NRG1: variants seen among roughly 807,000 people sequenced by gnomAD.
The protein encoded by NRG1 is pro-neuregulin-1, membrane-bound isoform.
A neutral mutation model predicts 63.8 loss-of-function variants in NRG1; 18 were observed. That is an observed-to-expected ratio of 0.28 (90% CI 0.19 to 0.42). The LOEUF (loss-of-function observed/expected upper bound fraction) is 0.42. NRG1 is among the 10% of genes least tolerant of loss of function. The pLI, the probability that NRG1 is intolerant of heterozygous loss-of-function variation, is 1.00. For missense variants in NRG1, 762 were observed against 814.7 expected, an observed-to-expected ratio of 0.94 and a Z score of 0.79; for synonymous variants, 302 against 301.3, an observed-to-expected ratio of 1.00 and a Z score of -0.02.
chr8:32,430,101 T>C (rs1327563368), intron 1 of NRG1, among the ~76,000 whole-genome samples: 1 of 152,112 alleles, frequency 6.6e-6, no homozygotes, highest in Non-Finnish European at 1.5e-5. Flanking sequence ...ATAAAGTGTG[T>C]TTCCAGCCTT....
chr8:31,906,295 G>A (rs13255747), intron 1 of NRG1, among the ~76,000 whole-genome samples: 29,616 of 152,138 alleles, frequency 0.19, 3,352 homozygotes, highest in Non-Finnish European at 0.24. Context: ...CTCAGAGCAT[G>A]TGACACAAAT....
chr8:31,660,431 T>C (rs776561160), intron 1 of NRG1, among the ~76,000 whole-genome samples: 9 of 152,228 alleles, frequency 5.9e-5, no homozygotes, highest in Non-Finnish European at 1.2e-4. Flanking sequence ...GTATATAGAA[T>C]TGTTTCATTT....
chr8:32,030,961 A>G (rs1188505466), intron 1 of NRG1, among the ~76,000 whole-genome samples: 1 of 152,096 alleles, frequency 6.6e-6, no homozygotes, highest in Admixed American at 6.5e-5. Context: ...CCCCAGGTCA[A>G]CTCATCTGGT....
At chr8:32,492,684 T>A (rs1248505284) in intron 1 of NRG1, among the ~76,000 whole-genome samples, 1 of 152,212 alleles carries the variant, frequency 6.6e-6, no homozygotes, top group Non-Finnish European at 1.5e-5. Flanking sequence ...AATCTTGTTT[T>A]CCGTCCCTGT....
chr8:32,771,103 A>AGGTTTT (rs1332145798), downstream of NRG1, among the ~76,000 whole-genome samples: 5 of 151,908 alleles, frequency 3.3e-5, no homozygotes, highest in East Asian at 7.7e-4. Flanking sequence ...TAAGTTCTTT[A>AGGTTTT]GGTTTTGGTT....
chr8:32,303,183 C>CAA lies in NRG1; in HGVS notation c.38-292645_38-292644insAA, dbSNP rs1563291349. Among the ~76,000 whole-genome samples, 231 of 59,422 alleles carry CAA rather than the reference C, an allele frequency of 3.9e-3. 20 individuals carry two copies. Among genetic ancestry groups the CAA allele is most frequent in the South Asian group, 7.6e-3 (8 of 1,048 alleles). The allele number at this position is 59,422 out of a possible 152,430, so 39.0% of individuals were successfully genotyped here. A position where few individuals can be genotyped will look rare whatever the true frequency, so the allele number is the denominator to read the frequency against. On this transcript the variant is annotated intron_variant, in intron 1 of 10. Transcript: ENST00000519301. ...GGCAGAAAGAAGAGAAACTCAGTCT[C>CAA]CAAAAAAAAAAAAAAAAAAAAAAAG... is the stretch of plus-strand genomic sequence containing the variant.
intron 1 of NRG1, among the ~76,000 whole-genome samples, chr8:31,662,283 A>G (rs1164018360): frequency 1.3e-5 from 2 of 152,210 alleles, no homozygotes; most frequent in Non-Finnish European, 2.9e-5. Context: ...TACATTTTAC[A>G]TTAAGAAAAA....
At chr8:31,814,635 T>G (rs1039812519) in intron 1 of NRG1, among the ~76,000 whole-genome samples, 6 of 148,392 alleles carry the variant, frequency 4.0e-5, no homozygotes, top group Non-Finnish European at 9.0e-5. Flanking sequence ...TAATAATTAA[T>G]AAATATTAAA....
At chr8:31,684,159 T>C (rs1436306543) in intron 1 of NRG1, among the ~76,000 whole-genome samples, 2 of 152,148 alleles carry the variant, frequency 1.3e-5, no homozygotes, top group Non-Finnish European at 2.9e-5. Flanking sequence ...CCCAGACCTA[T>C]TGAATCAGAA....
intron 1 of NRG1, among the ~76,000 whole-genome samples, chr8:31,818,135 A>G (rs1586621652): frequency 6.6e-6 from 1 of 152,222 alleles, no homozygotes; most frequent in East Asian, 1.9e-4. Flanking sequence ...TCAAAAGATA[A>G]GGATGCATAA....
intron 7 of NRG1, among the ~76,000 whole-genome samples, chr8:32,745,591 G>A (rs764885941): frequency 1.3e-5 from 2 of 152,026 alleles, no homozygotes; most frequent in Non-Finnish European, 2.9e-5. Context: ...TATTGTCAAG[G>A]TTAGTCAGCT....
chr8:32,003,932 T>A (rs960923998), intron 1 of NRG1, among the ~76,000 whole-genome samples: 5 of 151,850 alleles, frequency 3.3e-5, no homozygotes, highest in Non-Finnish European at 5.9e-5. Flanking sequence ...TTTATTAAAA[T>A]ATAAAATATT....
At chr8:32,748,339 G>GCGCGCACACACACACA (rs1207515428) in intron 7 of NRG1, among the ~76,000 whole-genome samples, 1 of 128,354 alleles carries the variant, frequency 7.8e-6, no homozygotes, top group Admixed American at 8.2e-5. Context: ...GCGCGCGCGC[G>GCGCGCACACACACACA]CACACACACA....
At chr8:31,940,090 A>C (rs327349) in intron 1 of NRG1, among the ~76,000 whole-genome samples, 7,417 of 152,186 alleles carry the variant, frequency 0.049, 590 homozygotes, top group African/African-American at 0.17. Context: ...CAACAACTGC[A>C]GAGTATACAT....
intron 1 of NRG1, among the ~76,000 whole-genome samples, chr8:31,711,226 C>T (rs1366019157): frequency 6.6e-6 from 1 of 152,110 alleles, no homozygotes; most frequent in Non-Finnish European, 1.5e-5. Flanking sequence ...CAAATCTTTT[C>T]TATTATTTCC....
intron 1 of NRG1, among the ~76,000 whole-genome samples, chr8:32,432,908 C>T (rs1199889003): frequency 1.3e-5 from 2 of 152,130 alleles, no homozygotes; most frequent in African/African-American, 4.8e-5. Flanking sequence ...TGGTCAATTA[C>T]ACAATGATTA....
chr8:31,819,002 C>G (rs1002905733), intron 1 of NRG1, among the ~76,000 whole-genome samples: 2 of 152,018 alleles, frequency 1.3e-5, no homozygotes, highest in African/African-American at 2.4e-5. Flanking sequence ...TGCAGTGAGC[C>G]GAGATCGCGC....
chr8:31,676,411 T>C (rs754102659), intron 1 of NRG1, among the ~76,000 whole-genome samples: 2 of 152,188 alleles, frequency 1.3e-5, no homozygotes, highest in Non-Finnish European at 2.9e-5. Context: ...TTCCCCAAGA[T>C]TTCCTCGTGT....
At chr8:32,032,625 G>C (rs761861767) in intron 1 of NRG1, among the ~76,000 whole-genome samples, 3 of 152,112 alleles carry the variant, frequency 2.0e-5, no homozygotes, top group African/African-American at 7.2e-5. Context: ...TGTATTGTTA[G>C]TTTTTTTCTT....
Sources: allele counts gnomAD v4.1 joint callset (sites outside exome capture counted in the v4.1 genomes callset), GRCh38; gene constraint gnomAD v4.1.1; transcripts MANE v1.5; gene names NCBI Gene and HGNC (gene_info 2026-07-23, HGNC 2026-07-21).